Variants in KIF26B observed in about 807,000 individuals in gnomAD.
KIF26B encodes kinesin-like protein KIF26B.
In KIF26B, 63 loss-of-function variants were observed where a neutral mutation model predicts 151.2. The observed-to-expected ratio is 0.42, with a 90% CI of 0.34 to 0.51. The LOEUF is 0.51. KIF26B is among the 20% of genes least tolerant of loss of function. The pLI is 0.07. For synonymous variants in KIF26B, 1,357 were observed against 1,262.1 expected, an observed-to-expected ratio of 1.08 and a Z score of -1.59; for missense variants, 2,813 against 2,913.6, an observed-to-expected ratio of 0.97 and a Z score of 0.79.
chr1:245,439,346 C>CAAAAAA (rs777808376), intron 4 of KIF26B, among the ~76,000 whole-genome samples: 9,018 of 130,636 alleles, frequency 0.069, 285 homozygotes, highest in South Asian at 0.11. Context: ...GACCCTGTCT[C>CAAAAAA]AAAAAAAAAA....
intron 4 of KIF26B, among the ~76,000 whole-genome samples, chr1:245,477,051 G>A (rs1376620289): frequency 6.6e-6 from 1 of 151,762 alleles, no homozygotes; most frequent in African/African-American, 2.4e-5. Context: ...TTCTAAGAGT[G>A]AGCCAGTACG....
chr1:245,372,238 G>A (rs1448373258), intron 3 of KIF26B, among the ~76,000 whole-genome samples: 1 of 152,164 alleles, frequency 6.6e-6, no homozygotes, highest in Non-Finnish European at 1.5e-5. Context: ...CTCCTTATGA[G>A]AATCTAATGC....
chr1:245,310,776 T>C (rs907014), intron 2 of KIF26B, among the ~76,000 whole-genome samples: 92,571 of 151,898 alleles, frequency 0.61, 28,688 homozygotes, highest in East Asian at 0.76. Context: ...GGAGGGAGGA[T>C]GCCTGCAGAA....
At chr1:245,289,513 C>T (rs559635766) in intron 2 of KIF26B, among the ~76,000 whole-genome samples, 1 of 152,100 alleles carries the variant, frequency 6.6e-6, no homozygotes, top group Non-Finnish European at 1.5e-5. Flanking sequence ...GAGTGGTATG[C>T]GACATCAAGG....
chr1:245,514,667 C>T (rs1356755497), intron 4 of KIF26B, among the ~76,000 whole-genome samples: 1 of 152,146 alleles, frequency 6.6e-6, no homozygotes, highest in Non-Finnish European at 1.5e-5. Flanking sequence ...AGAGGAAGGA[C>T]TTGGCTTCTC....
At chr1:245,259,916 C>A (rs7524806) in intron 2 of KIF26B, among the ~76,000 whole-genome samples, 4 of 138,456 alleles carry the variant, frequency 2.9e-5, no homozygotes, top group African/African-American at 1.1e-4. Flanking sequence ...GCATGAGTGA[C>A]AGAGCGAGGT....
At chr1:245,608,121 C>A (rs972117206) in intron 7 of KIF26B, among the ~76,000 whole-genome samples, 3 of 152,144 alleles carry the variant, frequency 2.0e-5, no homozygotes, top group Admixed American at 1.3e-4. Context: ...GGTGGTTGGA[C>A]CCCTGTAAAA....
chr1:245,364,673 GCCTCC>G (rs1354810198), intron 2 of KIF26B, among the ~76,000 whole-genome samples: 2 of 152,038 alleles, frequency 1.3e-5, no homozygotes, highest in Non-Finnish European at 2.9e-5. Context: ...GCCTGCCTCG[GCCTCC>G]CAAAGTGCTG....
chr1:245,450,748 GC>G (rs1482101118), intron 4 of KIF26B, among the ~76,000 whole-genome samples: 6 of 152,154 alleles, frequency 3.9e-5, no homozygotes, highest in Admixed American at 1.3e-4. Context: ...TAGGACATTA[GC>G]TTTTCTTTGA....
intron 4 of KIF26B, among the ~76,000 whole-genome samples, chr1:245,529,392 G>A (rs1661310910): frequency 6.6e-6 from 1 of 152,180 alleles, no homozygotes; most frequent in African/African-American, 2.4e-5. Context: ...ATCAGAAACA[G>A]AGGCAGAGGG....
chr1:245,399,985 A>G (rs966416956), intron 3 of KIF26B, among the ~76,000 whole-genome samples: 4 of 152,182 alleles, frequency 2.6e-5, no homozygotes, highest in African/African-American at 4.8e-5. Context: ...ATAATCCCCT[A>G]CTTTCAAAAT....
At chr1:245,428,022 A>G (rs377612689) in intron 4 of KIF26B, among the ~76,000 whole-genome samples, 11 of 152,208 alleles carry the variant, frequency 7.2e-5, no homozygotes, top group South Asian at 6.2e-4. Flanking sequence ...GGCTCTGTCA[A>G]TCCTCCTTGG....
intron 10 of KIF26B, among the ~76,000 whole-genome samples, chr1:245,663,355 C>G (rs10802241): frequency 0.68 from 102,645 of 151,316 alleles, 34,952 homozygotes; most frequent in East Asian, 0.82. Flanking sequence ...ATTTTTCAAA[C>G]ATGGCCAGAA....
chr1:245,617,482 G>A (rs1254232570), intron 9 of KIF26B, among the ~76,000 whole-genome samples: 2 of 152,284 alleles, frequency 1.3e-5, no homozygotes, highest in Middle Eastern at 3.4e-3. Flanking sequence ...TGGTGGATAT[G>A]ACTCTGGAGA....
At chr1:245,537,320 AGGAAAAGTGGTCT>A (rs562133570) in intron 4 of KIF26B, among the ~76,000 whole-genome samples, 96 of 152,298 alleles carry the variant, frequency 6.3e-4, no homozygotes, top group Admixed American at 1.4e-3. Flanking sequence ...AGAGAGTAGT[AGGAAAAGTGGTCT>A]GAGGGATATG....
intron 7 of KIF26B, among the ~76,000 whole-genome samples, chr1:245,608,844 T>C (rs2043485917): frequency 6.6e-6 from 1 of 152,140 alleles, no homozygotes; most frequent in Admixed American, 6.6e-5. Context: ...CTCCAATTCC[T>C]GGGCTCAAGT....
chr1:245,465,552 G>A (rs1447809301), intron 4 of KIF26B, among the ~76,000 whole-genome samples: 1 of 152,188 alleles, frequency 6.6e-6, no homozygotes, highest in Non-Finnish European at 1.5e-5. Flanking sequence ...TTTCCTCTGT[G>A]TTCCGTTTCC....
chr1:245,702,332 A>T lies in KIF26B; in HGVS notation c.6179-126A>T. On this transcript the variant is annotated intron_variant, in intron 14 of 14. Coordinates refer to ENST00000407071, the MANE Select transcript of KIF26B (RefSeq NM_018012.4). The surrounding 1 kb of genome is among the most constrained non-coding windows in gnomAD (Gnocchi z 4.1). ...CAGGAGGGAACTCTGCAGTGGCCTA[A>T]GGCAAGCGAACTAGACCTTTAGACC... 1.0e-6 allele frequency: 1 copy of T among 989,728 alleles called. No individual in the cohort carries two copies. Among genetic ancestry groups the T allele is most frequent in the Non-Finnish European group, 1.5e-6 (1 of 657,568 alleles). The allele number at this position is 989,728 out of a possible 1,614,324, so 61.3% of individuals were successfully genotyped here.
At chr1:245,390,438 C>T (rs1188900892) in intron 3 of KIF26B, among the ~76,000 whole-genome samples, 6 of 152,012 alleles carry the variant, frequency 3.9e-5, no homozygotes, top group East Asian at 1.9e-4. Flanking sequence ...AGGATGGTCT[C>T]GTGATCCACT....
Sources: gnomAD v4.1 joint callset for allele counts (sites outside exome capture counted in the v4.1 genomes callset) on GRCh38, gnomAD v4.1.1 for gene constraint, Gnocchi (gnomAD v3.1) non-coding constraint, MANE v1.5 for transcripts, NCBI Gene and HGNC (gene_info 2026-07-23, HGNC 2026-07-21) for gene names.